SPATA12: variants seen among roughly 807,000 people sequenced by gnomAD.
SPATA12 encodes the protein spermatogenesis-associated protein 12.
For synonymous variants in SPATA12, 85 were observed against 89.2 expected, an observed-to-expected ratio of 0.95 and a Z score of 0.26; for missense variants, 219 against 226.4, an observed-to-expected ratio of 0.97 and a Z score of 0.21.
chr3:57,067,623 C>T (rs1362119369), intron 1 of SPATA12, among the ~76,000 whole-genome samples: 1 of 150,820 alleles, frequency 6.6e-6, no homozygotes, highest in Non-Finnish European at 1.5e-5. Flanking sequence ...TCACATGAGG[C>T]CAGGAGTTTG....
Position 57,073,937 on chromosome 3 carries a change from C to G in SPATA12, c.243C>G (p.Thr81=), listed in dbSNP as rs369566980. ...AGGGGGATGTGTGCCAAAGTGAGAC[C>G]TGTCAGAGATATTTACAAGCAGCCA... ...TFQGDVCQSE[T]CQRYLQAAIS... Residue 81 remains threonine (T), a synonymous_variant, in exon 2 of 2, where the codon ACC becomes ACG. Coordinates refer to ENST00000334325, the MANE Select transcript of SPATA12 (RefSeq NM_181727.2). The G allele has an allele frequency of 1.3e-5, 21 of 1,614,078 alleles. No homozygotes were observed. The highest frequency in any genetic ancestry group is 1.7e-5 in the Non-Finnish European group (20 of 1,180,042).
At chr3:57,069,927 G>T (rs1705791580) in intron 1 of SPATA12, among the ~76,000 whole-genome samples, 1 of 152,252 alleles carries the variant, frequency 6.6e-6, no homozygotes, top group African/African-American at 2.4e-5. Flanking sequence ...TTACAGGCAT[G>T]AGCCACTGCG....
At chr3:57,072,222 A>T (rs1452727455) in intron 1 of SPATA12, among the ~76,000 whole-genome samples, 1 of 152,196 alleles carries the variant, frequency 6.6e-6, no homozygotes, top group African/African-American at 2.4e-5. Flanking sequence ...GTTCCTCAAA[A>T]TGTTAAGAGT....
chr3:57,063,579 G>C (rs1705358093), intron 1 of SPATA12, among the ~76,000 whole-genome samples: 1 of 152,178 alleles, frequency 6.6e-6, no homozygotes, highest in Admixed American at 6.5e-5. Context: ...CAGGCTTTGG[G>C]CCTGAGCAAC....
In SPATA12 at chr3:57,067,583, C is replaced by G. The variant is rs1360382360; in HGVS notation, c.-329-5783C>G. On this transcript the variant is annotated intron_variant, in intron 1 of 1. Coordinates refer to ENST00000334325, the MANE Select transcript of SPATA12 (RefSeq NM_181727.2). The stretch of plus-strand genomic sequence containing the variant: ...GGTGCAGTGGCTCACACCTGTAATC[C>G]CAGCACACTGGGAGGCTGAGGCCAG... Among the ~76,000 whole-genome samples, 4 of 150,880 alleles carry G rather than the reference C, an allele frequency of 2.7e-5. No homozygotes were observed. The East Asian group carries it at 5.8e-4, about 22-fold the overall frequency.
rs567793217 is a variant in SPATA12 at position 57,073,790 on chromosome 3, G to A, written c.96G>A (p.Trp32Ter). 49 of 1,614,214 alleles carry A rather than the reference G, an allele frequency of 3.0e-5. No individual in the cohort carries two copies. The South Asian group carries it at 5.2e-4, about 17-fold the overall frequency. Residue 32 changes from tryptophan (W) to a stop codon, truncating the protein, a stop_gained, in exon 2 of 2, where the codon TGG becomes TGA. Coordinates refer to ENST00000334325, the MANE Select transcript of SPATA12 (RefSeq NM_181727.2). LOFTEE classifies it low-confidence loss of function (END_TRUNC). The part of the protein sequence containing the change: ...KALDSSRLVP[W>*]PPRGLGSSTQ... ...TAGACTCTTCCAGACTCGTTCCATG[G>A]CCACCCAGAGGCCTTGGGTCATCCA...
At chr3:57,072,669 G>T (rs111418142) in intron 1 of SPATA12, among the ~76,000 whole-genome samples, 1 of 151,024 alleles carries the variant, frequency 6.6e-6, no homozygotes, top group Non-Finnish European at 1.5e-5. Flanking sequence ...GTGAACCCGG[G>T]GGGCAGAGGT....
At chr3:57,072,567 C>G (rs1258216924) in intron 1 of SPATA12, among the ~76,000 whole-genome samples, 1 of 151,592 alleles carries the variant, frequency 6.6e-6, no homozygotes, top group East Asian at 1.9e-4. Flanking sequence ...ATGGCAAAAC[C>G]CTGTCTCTAC....
chr3:57,066,276 T>A (rs994401061), intron 1 of SPATA12, among the ~76,000 whole-genome samples: 7 of 151,870 alleles, frequency 4.6e-5, no homozygotes, highest in African/African-American at 1.7e-4. Context: ...CTTTCTTTTT[T>A]TTTTTTTCTG....
chr3:57,073,778 A>G lies in SPATA12; in HGVS notation c.84A>G (p.Arg28=). ...AAATGAAGGCACTAGACTCTTCCAGACTCGTTCCATGGCCACCCAGAGGCC... is the reference window on the plus strand; with the variant it reads ...AAATGAAGGCACTAGACTCTTCCAGGCTCGTTCCATGGCCACCCAGAGGCC... ...TWEMKALDSS[R]LVPWPPRGLG... is the part of the protein sequence containing the mutation. Residue 28 remains arginine (R), a synonymous_variant, in exon 2 of 2, where the codon AGA becomes AGG. Coordinates refer to ENST00000334325, the MANE Select transcript of SPATA12 (RefSeq NM_181727.2). 1.2e-6 allele frequency: 2 copies of G among 1,614,040 alleles called. No homozygotes were observed. Among genetic ancestry groups the G allele is most frequent in the Non-Finnish European group, 1.7e-6 (2 of 1,179,994 alleles).
Position 57,074,186 on chromosome 3 carries a change from C to G in SPATA12, c.492C>G (p.Asn164Lys). The G allele has an allele frequency of 6.2e-7, 1 of 1,614,150 alleles. No homozygotes were observed. The highest frequency in any genetic ancestry group is 8.5e-7 in the Non-Finnish European group (1 of 1,180,032). ...EPSSTGCSRS[N>K]QLTFTEGCFV... is the part of the protein sequence containing the mutation. ...GTAGCACAGGGTGCAGCCGTTCAAA[C>G]CAACTGACATTTACTGAGGGCTGCT... The change falls in exon 2 of 2, where the codon AAC (asparagine) becomes AAG (lysine). Residue 164 changes from asparagine (N) to lysine (K), a missense_variant. Physicochemically the swap from Asn to Lys is moderately conservative, Grantham distance 94. Transcript: ENST00000334325.
At chr3:57,064,091 AC>A (rs1231383513) in intron 1 of SPATA12, among the ~76,000 whole-genome samples, 9 of 152,080 alleles carry the variant, frequency 5.9e-5, no homozygotes, top group Non-Finnish European at 1.0e-4. Flanking sequence ...ACATGGCAAA[AC>A]CCTGTCTCTA....
Position 57,073,935 on chromosome 3 carries a change from A to G in SPATA12, c.241A>G (p.Thr81Ala), listed in dbSNP as rs1342997986. 1.2e-6 allele frequency: 2 copies of G among 1,614,152 alleles called. No homozygotes were observed. The highest frequency in any genetic ancestry group is 1.7e-5 in the Admixed American group (1 of 60,012). Residue 81 changes from threonine to alanine, a missense_variant, in exon 2 of 2, where the codon ACC becomes GCC. Coordinates refer to ENST00000334325, the MANE Select transcript of SPATA12 (RefSeq NM_181727.2). Reference protein sequence around the residue: ...TFQGDVCQSETCQRYLQAAIS... With the variant: ...TFQGDVCQSEACQRYLQAAIS... ...TCAGGGGGATGTGTGCCAAAGTGAG[A>G]CCTGTCAGAGATATTTACAAGCAGC...
chr3:57,067,253 T>C (rs879710838), intron 1 of SPATA12, among the ~76,000 whole-genome samples: 6 of 150,728 alleles, frequency 4.0e-5, no homozygotes, highest in African/African-American at 7.3e-5. Flanking sequence ...AGATCGAGAC[T>C]ATCCTGGCTA....
In SPATA12 at chr3:57,073,698, T is replaced by A. The variant is rs183183181; in HGVS notation, c.4T>A (p.Ser2Thr). 1 of 1,611,990 alleles carries A rather than the reference T, an allele frequency of 6.2e-7. No individual in the cohort carries two copies. Among genetic ancestry groups the A allele is most frequent in the East Asian group, 2.2e-5 (1 of 44,878 alleles). M[S>T]SSALTCGSTL... The stretch of plus-strand genomic sequence containing the variant: ...TTCTGTTTTTGACTTGGGCCCCATG[T>A]CCAGTTCTGCTCTGACTTGTGGGTC... The change falls in exon 2 of 2, where the codon TCC becomes ACC. Residue 2 changes from serine to threonine, a missense_variant. Coordinates refer to ENST00000334325, the MANE Select transcript of SPATA12 (RefSeq NM_181727.2).
In SPATA12 at chr3:57,065,465, C is replaced by T. The variant is rs1455004356; in HGVS notation, c.-330+4679C>T. Reference sequence around the variant, plus strand: ...AACAGAGCAGGACTCCATCACAAAACAAAAAAAAAAGAAATTACTTGCAAA... The same window carrying T: ...AACAGAGCAGGACTCCATCACAAAATAAAAAAAAAAGAAATTACTTGCAAA... On this transcript the variant is annotated intron_variant, in intron 1 of 1. Transcript: ENST00000334325. Among the ~76,000 whole-genome samples, 5 of 138,378 alleles carry T rather than the reference C, an allele frequency of 3.6e-5. No individual in the cohort carries two copies. In the South Asian group the frequency reaches 9.1e-4, roughly 25 times the overall value. The allele number at this position is 138,378 out of a possible 152,430, so 90.8% of individuals were successfully genotyped here. A position where few individuals can be genotyped will look rare whatever the true frequency, so the allele number is the denominator to read the frequency against.
Position 57,068,102 on chromosome 3 carries a change from G to T in SPATA12, c.-329-5264G>T, listed in dbSNP as rs559565034. 1.8e-3 allele frequency among the ~76,000 whole-genome samples: 275 copies of T among 152,114 alleles called. 4 individuals are homozygous for T. In the South Asian group the frequency reaches 0.031, roughly 17 times the overall value. ...GCAAGAGGATCACTTGAGCCCAGAGGACACTAGACACGCATAGGGTAACTA... is the reference window on the plus strand; with the variant it reads ...GCAAGAGGATCACTTGAGCCCAGAGTACACTAGACACGCATAGGGTAACTA... On this transcript the variant is annotated intron_variant, in intron 1 of 1. Coordinates refer to ENST00000334325, the MANE Select transcript of SPATA12 (RefSeq NM_181727.2).
At chr3:57,069,500 T>C (rs192403425) in intron 1 of SPATA12, among the ~76,000 whole-genome samples, 24 of 152,308 alleles carry the variant, frequency 1.6e-4, no homozygotes, top group African/African-American at 4.8e-4. Flanking sequence ...CAGGTTGTTC[T>C]TTAAGTTTAG....
rs1183504866 is a variant in SPATA12, at chr3:57,073,949, T to C, written c.255T>C (p.Tyr85=). Residue 85 remains tyrosine, a synonymous_variant, in exon 2 of 2, where the codon TAT becomes TAC. Coordinates refer to ENST00000334325, the MANE Select transcript of SPATA12 (RefSeq NM_181727.2). ...GCCAAAGTGAGACCTGTCAGAGATATTTACAAGCAGCCATCTCTCTTGACA... is the reference window on the plus strand; with the variant it reads ...GCCAAAGTGAGACCTGTCAGAGATACTTACAAGCAGCCATCTCTCTTGACA... ...DVCQSETCQR[Y]LQAAISLDIA... The C allele has an allele frequency of 1.2e-6, 2 of 1,614,068 alleles. No homozygotes were observed. The highest frequency in any genetic ancestry group is 8.5e-7 in the Non-Finnish European group (1 of 1,180,042).
Sources: gnomAD v4.1 joint callset for allele counts (sites outside exome capture counted in the v4.1 genomes callset) on GRCh38, gnomAD v4.1.1 for gene constraint, MANE v1.5 for transcripts, NCBI Gene and HGNC (gene_info 2026-07-23, HGNC 2026-07-21) for gene names.